DOCK7: variants seen among roughly 807,000 people sequenced by gnomAD.
The protein encoded by DOCK7 is dedicator of cytokinesis 7.
A neutral mutation model predicts 271.0 loss-of-function variants in DOCK7; 138 were observed. The ratio of observed to expected loss-of-function variants is 0.51; its 90% CI spans 0.44 to 0.59. The LOEUF (loss-of-function observed/expected upper bound fraction) is 0.59. Among genes scored for constraint, DOCK7 ranks in the 20% least tolerant of loss-of-function variants. DOCK7 has a pLI of 0.00. For missense variants in DOCK7, 2,066 were observed against 2,592.4 expected, an observed-to-expected ratio of 0.80 and a Z score of 4.41; for synonymous variants, 823 against 876.1, an observed-to-expected ratio of 0.94 and a Z score of 1.07.
intron 22 of DOCK7, 77 bp from the exon 23 acceptor site, chr1:62,545,116 T>G: frequency 7.6e-7 from 1 of 1,316,280 alleles, no homozygotes. Context: ...CTTAAAGAAA[T>G]TCAGATCTTC....
intron 43 of DOCK7, chr1:62,479,785 G>T: frequency 3.4e-6 from 1 of 297,088 alleles, no homozygotes; most frequent in South Asian, 3.0e-5. Flanking sequence ...CTGGGCTCAA[G>T]CGATCCTTCC....
In DOCK7 at chr1:62,489,039, T is replaced by G. The variant is rs759210411; in HGVS notation, c.5388A>C (p.Glu1796Asp). The change falls in exon 42 of 50, where the codon GAA becomes GAC. Residue 1796 changes from glutamate (E) to aspartate (D), a missense_variant. Transcript: ENST00000635253. Reference protein sequence around the residue: ...SMAGMYEAVNEVYKVLIPIHE... With the variant: ...SMAGMYEAVNDVYKVLIPIHE... The stretch of plus-strand genomic sequence containing the variant: ...GAATAGGAATAAGTACTTTGTAAAC[T>G]TCATTAACTGCTTCATACATGCCAG... 1 of 1,599,802 alleles carries G rather than the reference T, an allele frequency of 6.3e-7. No individual in the cohort carries two copies. Among genetic ancestry groups the G allele is most frequent in the Admixed American group, 1.7e-5 (1 of 58,624 alleles).
Position 62,537,951 on chromosome 1 carries a change from G to A in DOCK7, c.3411C>T (p.Pro1137=). The A allele has an allele frequency of 1.2e-6, 2 of 1,613,984 alleles. No individual in the cohort carries two copies. The highest frequency in any genetic ancestry group is 1.7e-6 in the Non-Finnish European group (2 of 1,179,918). The change falls in exon 28 of 50, where the codon CCC becomes CCT. Residue 1137 remains proline (P), a synonymous_variant. Transcript: ENST00000635253. ...ATGCAGGTGGAGTAAGTAAGCTGCAGGGTAAGTTTAATGTAACATAGTGCT... is the reference window on the plus strand; with the variant it reads ...ATGCAGGTGGAGTAAGTAAGCTGCAAGGTAAGTTTAATGTAACATAGTGCT... ...SHEHYVTLNL[P]CSLLTPPASP...
chr1:62,509,843 A>G (rs766399302), intron 34 of DOCK7, among the ~76,000 whole-genome samples: 7 of 152,136 alleles, frequency 4.6e-5, no homozygotes, highest in Non-Finnish European at 1.0e-4. Context: ...GTTCTCAGAT[A>G]GGGTAATCAA....
intron 46 of DOCK7, 109 bp downstream of exon 46, chr1:62,475,598 T>C (rs1459719206): frequency 3.5e-6 from 4 of 1,142,582 alleles, no homozygotes; most frequent in Admixed American, 4.4e-5. Flanking sequence ...AAAGTTCTAA[T>C]ATGTTATGGT....
intron 18 of DOCK7, 79 bp downstream of exon 18, chr1:62,577,183 G>C: frequency 1.2e-6 from 1 of 828,838 alleles, no homozygotes; most frequent in Non-Finnish European, 1.7e-6. Flanking sequence ...AATGGCAAGA[G>C]TTTGCTTGGT....
At chr1:62,488,771 A>C (rs1174341187) in intron 42 of DOCK7, 163 bp downstream of exon 42, 1 of 856,990 alleles carries the variant, frequency 1.2e-6, no homozygotes, top group South Asian at 1.4e-5. Context: ...TTTTATTGTT[A>C]ATGAGCTTTG....
intron 14 of DOCK7, among the ~76,000 whole-genome samples, chr1:62,607,022 A>G (rs1245313172): frequency 6.6e-6 from 1 of 152,078 alleles, no homozygotes; most frequent in African/African-American, 2.4e-5. Flanking sequence ...CCTGACCAAT[A>G]TGGTGAAACC....
At chr1:62,649,468 A>G (rs886553987) in intron 4 of DOCK7, among the ~76,000 whole-genome samples, 2 of 152,202 alleles carry the variant, frequency 1.3e-5, no homozygotes, top group Admixed American at 1.3e-4. Flanking sequence ...TAGTAACATG[A>G]AAGTTATTAC....
chr1:62,674,989 T>C (rs188789622), intron 1 of DOCK7, among the ~76,000 whole-genome samples: 1 of 152,186 alleles, frequency 6.6e-6, no homozygotes, highest in Admixed American at 6.5e-5. Flanking sequence ...GCTTCAAACA[T>C]CACCTAAAAA....
At chr1:62,591,091 A>C (rs1316253217) in intron 14 of DOCK7, among the ~76,000 whole-genome samples, 1 of 152,212 alleles carries the variant, frequency 6.6e-6, no homozygotes, top group Non-Finnish European at 1.5e-5. Flanking sequence ...GAATCAACCT[A>C]AAAGCCCATC....
At chr1:62,586,261 A>G (rs751331168) in intron 15 of DOCK7, among the ~76,000 whole-genome samples, 30 of 152,156 alleles carry the variant, frequency 2.0e-4, no homozygotes, top group Non-Finnish European at 1.0e-4. Context: ...TATTCATTTT[A>G]TATCCTCTGG....
chr1:62,589,880 T>TAAA (rs543247913), intron 14 of DOCK7, among the ~76,000 whole-genome samples: 19 of 99,600 alleles, frequency 1.9e-4, no homozygotes, highest in African/African-American at 4.1e-4. Context: ...AGACTCCATC[T>TAAA]AAAAAAAAAA....
At chr1:62,683,361 C>T (rs1165192225) in intron 1 of DOCK7, among the ~76,000 whole-genome samples, 1 of 152,156 alleles carries the variant, frequency 6.6e-6, no homozygotes, top group Non-Finnish European at 1.5e-5. Flanking sequence ...GATTGAAAGA[C>T]TGGGCCCATC....
chr1:62,494,213 G>T, intron 40 of DOCK7, 62 bp downstream of exon 40: 1 of 1,407,028 alleles, frequency 7.1e-7, no homozygotes. Flanking sequence ...AAACACCAGT[G>T]AGAAAAGCTA....
At chr1:62,457,807 T>C in intron 48 of DOCK7, 102 bp from the exon 49 acceptor site, 1 of 1,108,982 alleles carries the variant, frequency 9.0e-7, no homozygotes, top group South Asian at 1.5e-5. Context: ...GTGGGCTTAA[T>C]GACACACAAC....
intron 23 of DOCK7, among the ~76,000 whole-genome samples, chr1:62,544,506 C>T (rs765621566): frequency 2.6e-5 from 4 of 151,970 alleles, no homozygotes; most frequent in Non-Finnish European, 4.4e-5. Context: ...TCTTTCTATT[C>T]GGTGATTAGG....
Position 62,631,301 on chromosome 1 carries a change from A to G in DOCK7, c.1221T>C (p.Asn407=), listed in dbSNP as rs781462288. The G allele has an allele frequency of 3.7e-6, 6 of 1,613,280 alleles. No homozygotes were observed. In the East Asian group the frequency reaches 1.3e-4, roughly 36 times the overall value. Residue 407 remains asparagine, a synonymous_variant, in exon 11 of 50, where the codon AAT becomes AAC. Coordinates refer to ENST00000635253, the MANE Select transcript of DOCK7 (RefSeq NM_001367561.1). The part of the protein sequence containing the change: ...PFAWTAIHLM[N]IVSSAGSLER... ...CCAAACTCCCAGCACTGCTAACAAT[A>G]TTCATTAAATGGATTGCAGTCCAAG...
At chr1:62,605,614 T>C (rs1650875409) in intron 14 of DOCK7, 1 of 152,406 alleles carries the variant, frequency 6.6e-6, no homozygotes, top group Admixed American at 6.6e-5. Flanking sequence ...AATGAACATA[T>C]TTGTGGCATC....
Sources: allele counts gnomAD v4.1 joint callset (sites outside exome capture counted in the v4.1 genomes callset), GRCh38; gene constraint gnomAD v4.1.1; transcripts MANE v1.5; gene names NCBI Gene and HGNC (gene_info 2026-07-23, HGNC 2026-07-21).